Variants in KLHL3 observed in about 807,000 individuals in gnomAD.
KLHL3 encodes kelch like family member 3.
In KLHL3, 19 loss-of-function variants were observed where a neutral mutation model predicts 70.5. That is an observed-to-expected ratio of 0.27 (90% CI 0.19 to 0.40). The LOEUF is 0.40. Ranked by LOEUF, KLHL3 falls within the 10% of genes least tolerant of loss-of-function variation. KLHL3 has a pLI of 1.00. For missense variants in KLHL3, 512 were observed against 771.1 expected, an observed-to-expected ratio of 0.66 and a Z score of 3.98; for synonymous variants, 258 against 290.3, an observed-to-expected ratio of 0.89 and a Z score of 1.13.
chr5:137,651,576 C>A (rs1751202806), intron 8 of KLHL3, among the ~76,000 whole-genome samples: 1 of 152,150 alleles, frequency 6.6e-6, no homozygotes, highest in Non-Finnish European at 1.5e-5. Flanking sequence ...AGAAGACCTG[C>A]ATAAATGGAG....
intron 10 of KLHL3, among the ~76,000 whole-genome samples, chr5:137,638,194 C>T (rs1191338518): frequency 6.6e-6 from 1 of 152,204 alleles, no homozygotes; most frequent in African/African-American, 2.4e-5. Flanking sequence ...CTAAAGGCAG[C>T]CTCCAGAGGG....
chr5:137,680,836 G>A (rs931285951), intron 5 of KLHL3, among the ~76,000 whole-genome samples: 16 of 152,012 alleles, frequency 1.1e-4, no homozygotes, highest in African/African-American at 3.1e-4. Flanking sequence ...GAGCCACTGC[G>A]GCCGGCAGCA....
At chr5:137,727,478 C>T (rs1317095118) in intron 1 of KLHL3, among the ~76,000 whole-genome samples, 2 of 152,202 alleles carry the variant, frequency 1.3e-5, no homozygotes, top group Non-Finnish European at 1.5e-5. Flanking sequence ...CAGAATAAAT[C>T]TCAGGGACCT....
intron 4 of KLHL3, 27 bp from the exon 5 acceptor site, chr5:137,692,474 T>C: frequency 6.2e-7 from 1 of 1,612,114 alleles, no homozygotes; most frequent in Non-Finnish European, 8.5e-7. Flanking sequence ...CATTCTCAGA[T>C]ATTGGATCCC....
rs1416896275 is a variant in KLHL3, at chr5:137,669,474, C to CTTGATG, written c.637-7444_637-7443insCATCAA. On this transcript the variant is annotated intron_variant, in intron 6 of 14. Coordinates refer to ENST00000309755, the MANE Select transcript of KLHL3 (RefSeq NM_017415.3). Reference sequence around the variant, plus strand: ...TGCCAGATATCTGACTTCAGATAACCAAAAATGATGAAAAAATTAAAACGG... The same window carrying CTTGATG: ...TGCCAGATATCTGACTTCAGATAACCTTGATGAAAAATGATGAAAAAATTAAAACGG... Among the ~76,000 whole-genome samples the CTTGATG allele has an allele frequency of 4.2e-3, 633 of 151,858 alleles. 5 individuals are homozygous for CTTGATG. The highest frequency in any genetic ancestry group is 7.6e-3 in the Non-Finnish European group (513 of 67,744).
chr5:137,729,630 T>C (rs780052813), intron 1 of KLHL3, among the ~76,000 whole-genome samples: 2 of 152,148 alleles, frequency 1.3e-5, no homozygotes, highest in East Asian at 1.9e-4. Flanking sequence ...ATGTTGACTA[T>C]TGTATTTTAG....
At chr5:137,630,418 C>T (rs1398264828) in intron 12 of KLHL3, among the ~76,000 whole-genome samples, 4 of 152,102 alleles carry the variant, frequency 2.6e-5, no homozygotes, top group Non-Finnish European at 4.4e-5. Context: ...AGGCGGCTCC[C>T]TCCACAGAGA....
At chr5:137,689,872 T>C in intron 5 of KLHL3, among the ~76,000 whole-genome samples, 1 of 152,184 alleles carries the variant, frequency 6.6e-6, no homozygotes, top group African/African-American at 2.4e-5. Context: ...CTCAGACAAC[T>C]GTATCAGCCA....
At chr5:137,644,022 G>A (rs1249529019) in intron 8 of KLHL3, among the ~76,000 whole-genome samples, 5 of 152,172 alleles carry the variant, frequency 3.3e-5, no homozygotes, top group East Asian at 1.9e-4. Flanking sequence ...TTAACATAAT[G>A]TTCTCCAGGT....
chr5:137,704,960 G>T (rs1024647788), intron 3 of KLHL3, among the ~76,000 whole-genome samples: 1 of 152,144 alleles, frequency 6.6e-6, no homozygotes, highest in Non-Finnish European at 1.5e-5. Flanking sequence ...CACGTGGAAG[G>T]TGAAGCCATT....
At chr5:137,647,506 CA>C (rs1364014312) in intron 8 of KLHL3, 2 of 470,600 alleles carry the variant, frequency 4.2e-6, no homozygotes, top group Non-Finnish European at 8.8e-6. Flanking sequence ...ACACTTTTTT[CA>C]TCGGGCAAGA....
chr5:137,663,721 C>T (rs1169346261), intron 6 of KLHL3, among the ~76,000 whole-genome samples: 1 of 152,042 alleles, frequency 6.6e-6, no homozygotes, highest in Admixed American at 6.5e-5. Context: ...ATGGAACTCA[C>T]GGATACAGAG....
chr5:137,707,897 A>G (rs1752716302), intron 3 of KLHL3, among the ~76,000 whole-genome samples: 1 of 152,202 alleles, frequency 6.6e-6, no homozygotes, highest in Non-Finnish European at 1.5e-5. Context: ...GCAATTCCAA[A>G]CAGATTCCTC....
chr5:137,728,856 G>A (rs1282549763), intron 1 of KLHL3, among the ~76,000 whole-genome samples: 1 of 151,700 alleles, frequency 6.6e-6, no homozygotes, highest in Non-Finnish European at 1.5e-5. Context: ...AGGAAGAGGA[G>A]CAGAAAAAAT....
chr5:137,732,541 A>C (rs1287424201), intron 1 of KLHL3, among the ~76,000 whole-genome samples: 2 of 151,812 alleles, frequency 1.3e-5, no homozygotes, highest in African/African-American at 4.8e-5. Flanking sequence ...GGGGTAACTT[A>C]CTATAAGGAG....
chr5:137,654,760 G>A (rs1191337823), intron 8 of KLHL3, among the ~76,000 whole-genome samples: 1 of 152,142 alleles, frequency 6.6e-6, no homozygotes, highest in Non-Finnish European at 1.5e-5. Context: ...AGAAGGCCCA[G>A]GAATCTAAAT....
intron 6 of KLHL3, among the ~76,000 whole-genome samples, chr5:137,670,042 G>A (rs1442192337): frequency 6.6e-6 from 1 of 152,172 alleles, no homozygotes; most frequent in African/African-American, 2.4e-5. Context: ...TAAGGGGAAG[G>A]AAGCTCGCCA....
At chr5:137,724,195 A>G (rs1753050241) in intron 1 of KLHL3, among the ~76,000 whole-genome samples, 1 of 152,274 alleles carries the variant, frequency 6.6e-6, no homozygotes, top group South Asian at 2.1e-4. Flanking sequence ...AGAGACTTAA[A>G]AGCCAGAATG....
At position 137,687,767 on chromosome 5, in the gene KLHL3, A is replaced by G. The variant is rs374657045; in HGVS notation, c.526+4518T>C. ...AAAATTGAGAAATCGGATGGTTGCC[A>G]GGTCTGTGTGGATAGAAGTAGACAT... On this transcript the variant is annotated intron_variant, in intron 5 of 14. Coordinates refer to ENST00000309755, the MANE Select transcript of KLHL3 (RefSeq NM_017415.3). Among the ~76,000 whole-genome samples the G allele has an allele frequency of 4.5e-3, 225 of 49,910 alleles. 47 individuals carry two copies. The highest frequency in any genetic ancestry group is 0.02 in the African/African-American group (207 of 10,348). 32.7% of individuals were successfully genotyped at this position (49,910 alleles called of 152,430 possible).
Sources: gnomAD v4.1 joint callset for allele counts (sites outside exome capture counted in the v4.1 genomes callset) on GRCh38, gnomAD v4.1.1 for gene constraint, MANE v1.5 for transcripts, NCBI Gene and HGNC (gene_info 2026-07-23, HGNC 2026-07-21) for gene names.